The following TRAPPC9 variants were observed in gnomAD, a reference collection of about 807,000 sequenced individuals.
TRAPPC9 encodes the protein IKK2 binding protein.
TRAPPC9 carries 83 observed loss-of-function variants against 124.0 expected under a neutral mutation model. The ratio of observed to expected loss-of-function variants is 0.67; its 90% CI spans 0.56 to 0.80. The LOEUF (loss-of-function observed/expected upper bound fraction) is 0.80, where lower values mean the gene tolerates loss of function less well. TRAPPC9 is among the 30% of genes least tolerant of loss of function. The probability of loss-of-function intolerance (pLI) is 0.00; values close to 1 mark genes in which losing one functional copy is unlikely to be tolerated. For synonymous variants in TRAPPC9, 638 were observed against 617.5 expected, an observed-to-expected ratio of 1.03 and a Z score of -0.49; for missense variants, 1,302 against 1,508.3, an observed-to-expected ratio of 0.86 and a Z score of 2.27.
intron 21 of TRAPPC9, among the ~76,000 whole-genome samples, chr8:139,764,274 G>A (rs947928362): frequency 2.0e-5 from 3 of 152,200 alleles, no homozygotes; most frequent in African/African-American, 7.2e-5. Flanking sequence ...CCGTGTGGCT[G>A]TAGCAGGGGC....
chr8:140,444,069 G>C (rs1249171597), intron 2 of TRAPPC9, among the ~76,000 whole-genome samples: 1 of 147,344 alleles, frequency 6.8e-6, no homozygotes, highest in African/African-American at 2.5e-5. Context: ...AAGATTAGCC[G>C]GGCATGGTGG....
chr8:140,021,095 C>T (rs922470076), intron 18 of TRAPPC9, among the ~76,000 whole-genome samples: 2 of 152,124 alleles, frequency 1.3e-5, no homozygotes, highest in African/African-American at 2.4e-5. Flanking sequence ...AATCTATTTA[C>T]GTTTAGTGTA....
chr8:139,800,180 C>T (rs1357317380), intron 21 of TRAPPC9, among the ~76,000 whole-genome samples: 1 of 152,266 alleles, frequency 6.6e-6, no homozygotes, highest in East Asian at 1.9e-4. Flanking sequence ...CCCCAGCCCG[C>T]TGTGCTGTGT....
intron 16 of TRAPPC9, among the ~76,000 whole-genome samples, chr8:140,230,382 G>T (rs1345497213): frequency 1.3e-5 from 2 of 152,324 alleles, no homozygotes; most frequent in East Asian, 3.9e-4. Context: ...GCCAAGGCAG[G>T]TGGATCGCCT....
At position 140,421,995 on chromosome 8, in the gene TRAPPC9, A is replaced by C. The variant is rs1200530594; in HGVS notation, c.886+4620T>G. Among the ~76,000 whole-genome samples, 8 of 151,248 alleles carry C rather than the reference A, an allele frequency of 5.3e-5. No individual in the cohort carries two copies. The East Asian group carries it at 1.2e-3, about 22-fold the overall frequency. ...AAGGTCCCTCATGACAAAAAAAAAA[A>C]AAAAAAAAAAAAACGGGCAAGAAAT... On this transcript the variant is annotated intron_variant, in intron 5 of 22. Transcript: ENST00000438773.
intron 19 of TRAPPC9, among the ~76,000 whole-genome samples, chr8:139,948,880 C>G (rs1563945183): frequency 6.6e-6 from 1 of 152,126 alleles, no homozygotes; most frequent in Non-Finnish European, 1.5e-5. Context: ...AGTTCGAGAC[C>G]AGCCTGGCCA....
chr8:140,128,972 A>AAAATAT (rs1209990521), intron 17 of TRAPPC9, among the ~76,000 whole-genome samples: 4 of 123,174 alleles, frequency 3.2e-5, no homozygotes, highest in African/African-American at 8.6e-5. Context: ...ACTATAATAA[A>AAAATAT]ATATATATAT....
chr8:140,160,299 TA>T (rs2130884741), intron 17 of TRAPPC9, among the ~76,000 whole-genome samples: 1 of 152,334 alleles, frequency 6.6e-6, no homozygotes, highest in East Asian at 1.9e-4. Flanking sequence ...TTACTGGGTA[TA>T]TACCCAAAGG....
intron 19 of TRAPPC9, among the ~76,000 whole-genome samples, chr8:139,946,638 G>A (rs995365276): frequency 1.3e-5 from 2 of 151,894 alleles, no homozygotes; most frequent in African/African-American, 4.8e-5. Flanking sequence ...GAAAGAAGAG[G>A]CAGGTGAAGA....
At chr8:140,371,330 C>G in intron 7 of TRAPPC9, 150 bp from the exon 8 acceptor site, 2 of 896,262 alleles carry the variant, frequency 2.2e-6, no homozygotes, top group South Asian at 3.0e-5. Context: ...CAGCGCATGG[C>G]GCAGGCCCCA....
chr8:140,435,339 T>G, intron 3 of TRAPPC9, 99 bp from the exon 4 acceptor site: 72 of 1,372,420 alleles, frequency 5.2e-5, no homozygotes, highest in Non-Finnish European at 7.0e-5. Flanking sequence ...CAAACTGCAG[T>G]AACTAACAAT....
At chr8:139,886,535 C>T (rs147087902) in intron 20 of TRAPPC9, among the ~76,000 whole-genome samples, 41 of 152,232 alleles carry the variant, frequency 2.7e-4, no homozygotes, top group Admixed American at 1.2e-3. Flanking sequence ...ATCTCCCTTG[C>T]GCTAGTATTA....
intron 20 of TRAPPC9, among the ~76,000 whole-genome samples, chr8:139,902,246 C>T (rs1320748500): frequency 1.3e-5 from 2 of 152,186 alleles, no homozygotes; most frequent in Non-Finnish European, 2.9e-5. Flanking sequence ...TGTCAAACCC[C>T]GGCCACTTTC....
In TRAPPC9 at chr8:140,362,266, G is replaced by C. The variant is rs148223057; in HGVS notation, c.1352-2073C>G. Reference sequence around the variant, plus strand: ...ACACGTGGATCAAGACGTAAGGCTGGTGAAAGGAAACCCTCCCATGTTGCG... The same window carrying C: ...ACACGTGGATCAAGACGTAAGGCTGCTGAAAGGAAACCCTCCCATGTTGCG... On this transcript the variant is annotated intron_variant, in intron 8 of 22. Transcript: ENST00000438773. Among the ~76,000 whole-genome samples, 39 of 152,306 alleles carry C rather than the reference G, an allele frequency of 2.6e-4. No homozygotes were observed. In the East Asian group the frequency reaches 6.9e-3, roughly 27 times the overall value.
At chr8:139,997,038 C>T (rs1001242642) in intron 18 of TRAPPC9, among the ~76,000 whole-genome samples, 8 of 152,180 alleles carry the variant, frequency 5.3e-5, no homozygotes, top group Non-Finnish European at 1.2e-4. Flanking sequence ...TGAGCCATCA[C>T]GCCTGACCCA....
intron 9 of TRAPPC9, among the ~76,000 whole-genome samples, chr8:140,315,472 A>C (rs1271215409): frequency 6.6e-6 from 1 of 152,102 alleles, no homozygotes; most frequent in Non-Finnish European, 1.5e-5. Flanking sequence ...TCAAGATTAA[A>C]ATTTTATAGT....
chr8:139,937,719 G>C (rs1013592956), intron 19 of TRAPPC9, among the ~76,000 whole-genome samples: 2 of 152,206 alleles, frequency 1.3e-5, no homozygotes, highest in African/African-American at 4.8e-5. Context: ...AAAACACTTG[G>C]AAGGCGCAGT....
chr8:140,323,053 T>G (rs1186903680), intron 9 of TRAPPC9, among the ~76,000 whole-genome samples: 1 of 152,168 alleles, frequency 6.6e-6, no homozygotes, highest in South Asian at 2.1e-4. Flanking sequence ...AAGGCATGAT[T>G]AGAGCCCCAC....
At chr8:140,061,453 G>T (rs760503347) in intron 17 of TRAPPC9, among the ~76,000 whole-genome samples, 1 of 152,154 alleles carries the variant, frequency 6.6e-6, no homozygotes, top group Non-Finnish European at 1.5e-5. Flanking sequence ...CAAGGAGCCC[G>T]CAGTCAAGCA....
Sources: gnomAD v4.1 joint callset for allele counts (sites outside exome capture counted in the v4.1 genomes callset) on GRCh38, gnomAD v4.1.1 for gene constraint, MANE v1.5 for transcripts, NCBI Gene and HGNC (gene_info 2026-07-23, HGNC 2026-07-21) for gene names.